Variants in EMB observed in about 807,000 individuals in gnomAD.
EMB encodes the protein embigin homolog.
In EMB, 31 loss-of-function variants were observed where a neutral mutation model predicts 41.4. That is an observed-to-expected ratio of 0.75 (90% CI 0.56 to 1.01). The LOEUF (loss-of-function observed/expected upper bound fraction) is 1.01, where lower values mean the gene tolerates loss of function less well. Among genes scored for constraint, EMB ranks in the 50% least tolerant of loss-of-function variants. The pLI, the probability that EMB is intolerant of heterozygous loss-of-function variation, is 0.00. For missense variants in EMB, 379 were observed against 388.3 expected (o/e 0.98, Z 0.20); for synonymous variants, 137 against 140.4 (o/e 0.98, Z 0.17).
chr5:50,418,924 C>G (rs1287952346), intron 2 of EMB, among the ~76,000 whole-genome samples: 1 of 152,204 alleles, frequency 6.6e-6, no homozygotes, highest in African/African-American at 2.4e-5. Flanking sequence ...ACACTAGATA[C>G]TTCATCTATG....
intron 2 of EMB, among the ~76,000 whole-genome samples, chr5:50,421,509 T>C (rs945056777): frequency 6.6e-6 from 1 of 152,026 alleles, no homozygotes; most frequent in African/African-American, 2.4e-5. Flanking sequence ...GATCTAGAAC[T>C]AGAAATACCA....
chr5:50,414,749 T>C (rs946881938), intron 2 of EMB, among the ~76,000 whole-genome samples: 16 of 152,160 alleles, frequency 1.1e-4, no homozygotes, highest in African/African-American at 3.9e-4. Context: ...ATATTTGATG[T>C]CTCTAGAATA....
In EMB at chr5:50,404,044, T is replaced by C. The variant is rs139189157; in HGVS notation, c.601-590A>G. ...TTCTGTCTTTTCATATCTGAATTTC[T>C]TTCTCACTCAGATAAGCTGGCTTCT... On this transcript the variant is annotated intron_variant, in intron 5 of 8. Transcript: ENST00000303221. 2.7e-4 allele frequency among the ~76,000 whole-genome samples: 41 copies of C among 152,044 alleles called. No individual in the cohort carries two copies. In the East Asian group the frequency reaches 7.2e-3, roughly 27 times the overall value.
At position 50,409,349 on chromosome 5, in the gene EMB, A is replaced by G. The variant is rs538557122; in HGVS notation, c.472+1528T>C. On this transcript the variant is annotated intron_variant, in intron 4 of 8. Transcript: ENST00000303221. Reference sequence around the variant, plus strand: ...GTTATCTTCAATATTGAAAGCAGGTATGACTAGTATATATTTCCAGAGCAC... The same window carrying G: ...GTTATCTTCAATATTGAAAGCAGGTGTGACTAGTATATATTTCCAGAGCAC... 4.3e-4 allele frequency among the ~76,000 whole-genome samples: 65 copies of G among 152,236 alleles called. 2 individuals carry two copies. The South Asian group carries it at 8.7e-3, about 20-fold the overall frequency.
intron 2 of EMB, among the ~76,000 whole-genome samples, chr5:50,418,459 C>A (rs1447059881): frequency 1.3e-5 from 2 of 152,186 alleles, no homozygotes; most frequent in Admixed American, 6.5e-5. Context: ...TTAATTATAA[C>A]CTTCTACTCA....
intron 1 of EMB, chr5:50,428,714 G>A: frequency 3.0e-6 from 3 of 985,266 alleles, no homozygotes; most frequent in Non-Finnish European, 2.4e-6. Context: ...AGTTTGGGTT[G>A]CTATTTGTTT....
At chr5:50,414,823 C>T (rs1273960317) in intron 2 of EMB, among the ~76,000 whole-genome samples, 1 of 152,122 alleles carries the variant, frequency 6.6e-6, no homozygotes, top group Non-Finnish European at 1.5e-5. Context: ...TTTCACTATC[C>T]TAGTATATTT....
At chr5:50,438,760 T>A (rs1314838442) in intron 1 of EMB, among the ~76,000 whole-genome samples, 2 of 152,168 alleles carry the variant, frequency 1.3e-5, no homozygotes, top group African/African-American at 2.4e-5. Context: ...TTCATAACTT[T>A]TGTCTTGTAC....
chr5:50,405,774 T>C lies in EMB; in HGVS notation c.551A>G (p.Asn184Ser), dbSNP rs762602769. The change falls in exon 5 of 9, where the codon AAT (asparagine) becomes AGT (serine). Residue 184 changes from asparagine to serine, a missense_variant. Physicochemically the swap from Asn to Ser is conservative, Grantham distance 46. Transcript: ENST00000303221. ...DSTVLTCKCQ[N>S]CFPLNWTWYS... ...CCAGGTCCAATTTAAAGGAAAACAATTTTGACATTTACATGTCAAGACAGT... is the reference window on the plus strand; with the variant it reads ...CCAGGTCCAATTTAAAGGAAAACAACTTTGACATTTACATGTCAAGACAGT... 4.9e-5 allele frequency: 78 copies of C among 1,607,024 alleles called. No individual in the cohort carries two copies. The highest frequency in any genetic ancestry group is 5.9e-5 in the Non-Finnish European group (70 of 1,176,712).
intron 5 of EMB, among the ~76,000 whole-genome samples, chr5:50,404,109 A>G (rs1169487860): frequency 6.6e-6 from 1 of 151,960 alleles, no homozygotes; most frequent in Non-Finnish European, 1.5e-5. Context: ...AAGGTGCCAT[A>G]TTAAGCTATT....
intron 2 of EMB, 78 bp downstream of exon 2, chr5:50,428,066 A>G: frequency 1.0e-6 from 1 of 1,005,008 alleles, no homozygotes; most frequent in Non-Finnish European, 1.5e-6. Flanking sequence ...CGCAAAGCAA[A>G]AAGCAGTAGC....
intron 1 of EMB, among the ~76,000 whole-genome samples, chr5:50,431,397 T>C (rs190668827): frequency 2.0e-5 from 3 of 152,054 alleles, no homozygotes; most frequent in African/African-American, 4.8e-5. Context: ...TCAGCTAACA[T>C]TGGGGTTTAA....
intron 2 of EMB, among the ~76,000 whole-genome samples, chr5:50,425,835 C>A (rs1257541508): frequency 6.6e-6 from 1 of 151,824 alleles, no homozygotes; most frequent in Non-Finnish European, 1.5e-5. Flanking sequence ...AGGTGCCCAC[C>A]ACCACACTTG....
At chr5:50,410,998 A>C in intron 3 of EMB, 33 bp from the exon 4 acceptor site, 1 of 1,470,680 alleles carries the variant, frequency 6.8e-7, no homozygotes, top group South Asian at 1.2e-5. Flanking sequence ...ATATAGGCTT[A>C]GTTCTCAAAA....
chr5:50,403,200 T>G lies in EMB; in HGVS notation c.855A>C (p.Thr285=). Residue 285 remains threonine, a synonymous_variant, in exon 6 of 9, where the codon ACA becomes ACC. Coordinates refer to ENST00000303221, the MANE Select transcript of EMB (RefSeq NM_198449.3). ...CACCTGAGTGCTTCTTTTTCTTTTG[T>G]GTGTACTTTTCACAAAGCAGAATGG... ...VATILLCEKY[T]QKKKKHSDEG... 6.2e-7 allele frequency: 1 copy of G among 1,610,586 alleles called. No individual in the cohort carries two copies. The highest frequency in any genetic ancestry group is 2.2e-5 in the East Asian group (1 of 44,822).
chr5:50,433,804 T>C (rs1745762187), intron 1 of EMB, among the ~76,000 whole-genome samples: 1 of 152,236 alleles, frequency 6.6e-6, no homozygotes, highest in African/African-American at 2.4e-5. Context: ...GCCAGGAGTC[T>C]GAAATCAAGG....
chr5:50,411,271 C>T lies in EMB; in HGVS notation c.309G>A (p.Trp103Ter), dbSNP rs773594624. Residue 103 changes from tryptophan to a stop codon, truncating the protein, a stop_gained, in exon 3 of 9, where the codon TGG (tryptophan) becomes TGA (stop). Coordinates refer to ENST00000303221, the MANE Select transcript of EMB (RefSeq NM_198449.3). LOFTEE classifies it high-confidence loss of function. ...SGDLNAVNVT[W>*]KKDGEQLENN... is the part of the protein sequence containing the mutation. ...TCTCAAGTTGTTCACCATCTTTTTT[C>T]CAAGTCACATTTACTGCATTCAAAT... is the stretch of plus-strand genomic sequence containing the variant. 13 of 1,612,718 alleles carry T rather than the reference C, an allele frequency of 8.1e-6. No homozygotes were observed. In the South Asian group the frequency reaches 9.9e-5, roughly 12 times the overall value.
intron 1 of EMB, among the ~76,000 whole-genome samples, chr5:50,431,463 T>C (rs2111856390): frequency 6.6e-6 from 1 of 152,234 alleles, no homozygotes; most frequent in African/African-American, 2.4e-5. Flanking sequence ...CTAAAAGGAT[T>C]AGGCTGAGTC....
At chr5:50,420,269 C>T (rs1346922275) in intron 2 of EMB, among the ~76,000 whole-genome samples, 2 of 152,266 alleles carry the variant, frequency 1.3e-5, no homozygotes, top group East Asian at 3.9e-4. Flanking sequence ...GATAAGGGCT[C>T]ATAAATACCT....
Sources: gnomAD v4.1 joint callset for allele counts (sites outside exome capture counted in the v4.1 genomes callset) on GRCh38, gnomAD v4.1.1 for gene constraint, MANE v1.5 for transcripts, NCBI Gene and HGNC (gene_info 2026-07-23, HGNC 2026-07-21) for gene names.